The following PLCB1 variants were observed in gnomAD, a reference collection of about 807,000 sequenced individuals.
The protein encoded by PLCB1 is phospholipase C beta 1, also known as 1-phosphatidylinositol 4,5-bisphosphate phosphodiesterase beta-1.
Under a neutral mutation model 161.8 loss-of-function variants are expected in PLCB1, and 46 were observed. That is an observed-to-expected ratio of 0.28 (90% CI 0.22 to 0.36). The LOEUF (loss-of-function observed/expected upper bound fraction) is 0.36, where lower values mean the gene tolerates loss of function less well. Ranked by LOEUF, PLCB1 falls within the 10% of genes least tolerant of loss-of-function variation. The pLI is 1.00. For missense variants in PLCB1, 1,016 were observed against 1,472.5 expected, an observed-to-expected ratio of 0.69 and a Z score of 5.07; for synonymous variants, 517 against 503.7, an observed-to-expected ratio of 1.03 and a Z score of -0.35.
At chr20:8,737,832 G>A (rs556903259) in intron 20 of PLCB1, among the ~76,000 whole-genome samples, 20 of 152,122 alleles carry the variant, frequency 1.3e-4, no homozygotes, top group African/African-American at 3.6e-4. Flanking sequence ...ATAGCTATGC[G>A]GAAACTCTCT....
chr20:8,425,780 A>C (rs889666344), intron 3 of PLCB1, among the ~76,000 whole-genome samples: 1 of 152,164 alleles, frequency 6.6e-6, no homozygotes, highest in Non-Finnish European at 1.5e-5. Context: ...CCACACCATC[A>C]GCAGCAATGT....
At chr20:8,738,898 C>G (rs1980721375) in intron 20 of PLCB1, among the ~76,000 whole-genome samples, 1 of 152,146 alleles carries the variant, frequency 6.6e-6, no homozygotes, top group Non-Finnish European at 1.5e-5. Context: ...TGCCTCTAAT[C>G]CGAGCACTTT....
In PLCB1 at chr20:8,771,877, G is replaced by GTTCCTTCCTTCCTTCATTCCTTCC. The variant is rs139759464; in HGVS notation, c.2931-2647_2931-2646insATTCCTTCCTTCCTTCCTTCCTTC. Among the ~76,000 whole-genome samples the GTTCCTTCCTTCCTTCATTCCTTCC allele has an allele frequency of 8.7e-5, 13 of 150,266 alleles. 1 individual carries two copies. Among genetic ancestry groups the GTTCCTTCCTTCCTTCATTCCTTCC allele is most frequent in the East Asian group, 7.9e-4 (4 of 5,034 alleles). On this transcript the variant is annotated intron_variant, in intron 26 of 31. Transcript: ENST00000338037. ...TTGAATTTGTTTCCTTCCTTCCTTCGTTCCTTCCTTCCTTCCTTCCTTTCG... is the reference window on the plus strand; with the variant it reads ...TTGAATTTGTTTCCTTCCTTCCTTCGTTCCTTCCTTCCTTCATTCCTTCCTTCCTTCCTTCCTTCCTTCCTTTCG...
intron 2 of PLCB1, among the ~76,000 whole-genome samples, chr20:8,278,522 G>GA (rs1203351893): frequency 2.0e-5 from 3 of 151,356 alleles, no homozygotes; most frequent in East Asian, 1.9e-4. Flanking sequence ...AATGCACTGG[G>GA]AAAAAAGTAG....
chr20:8,435,909 C>G (rs907982574), intron 3 of PLCB1, among the ~76,000 whole-genome samples: 1 of 152,188 alleles, frequency 6.6e-6, no homozygotes, highest in East Asian at 1.9e-4. Flanking sequence ...GATGAACTCT[C>G]CTAAGATTTC....
At chr20:8,816,934 C>G (rs573888872) in intron 31 of PLCB1, among the ~76,000 whole-genome samples, 1 of 152,288 alleles carries the variant, frequency 6.6e-6, no homozygotes, top group Admixed American at 6.5e-5. Context: ...AGTGCCCTTT[C>G]TATTTCTAGC....
intron 27 of PLCB1, among the ~76,000 whole-genome samples, chr20:8,781,555 T>A (rs943660836): frequency 3.3e-5 from 5 of 152,162 alleles, no homozygotes; most frequent in Non-Finnish European, 7.3e-5. Flanking sequence ...TTCGTATTAC[T>A]TTATTGCATG....
intron 25 of PLCB1, among the ~76,000 whole-genome samples, chr20:8,761,604 C>T (rs1485206589): frequency 1.3e-5 from 2 of 152,116 alleles, no homozygotes; most frequent in African/African-American, 4.8e-5. Flanking sequence ...CCGCAACCTC[C>T]ACCTCCCGGG....
chr20:8,831,681 G>A (rs1985987672), intron 31 of PLCB1, among the ~76,000 whole-genome samples: 1 of 152,100 alleles, frequency 6.6e-6, no homozygotes, highest in Admixed American at 6.5e-5. Flanking sequence ...CCAGCCTGGA[G>A]TGCAGTAGTA....
At chr20:8,167,944 G>A (rs1419525111) in intron 2 of PLCB1, among the ~76,000 whole-genome samples, 1 of 152,120 alleles carries the variant, frequency 6.6e-6, no homozygotes, top group African/African-American at 2.4e-5. Context: ...GGTTGGATGT[G>A]TGGCTCTGCT....
intron 2 of PLCB1, among the ~76,000 whole-genome samples, chr20:8,339,550 T>C (rs1985720643): frequency 6.6e-6 from 1 of 152,226 alleles, no homozygotes; most frequent in African/African-American, 2.4e-5. Flanking sequence ...TGTTACAGAA[T>C]TAATTCCGGG....
intron 2 of PLCB1, among the ~76,000 whole-genome samples, chr20:8,220,466 G>T (rs1477250745): frequency 6.6e-6 from 1 of 152,132 alleles, no homozygotes; most frequent in Admixed American, 6.6e-5. Context: ...TTAAGATGAG[G>T]TTATATTGGA....
In PLCB1 at chr20:8,740,389, C is replaced by T. The variant is rs202199288; in HGVS notation, c.2354C>T (p.Thr785Met). The change falls in exon 22 of 32, where the codon ACG becomes ATG. Residue 785 changes from threonine to methionine, a missense_variant. Transcript: ENST00000338037. ...CLRNERNQPL[T>M]LPAVFVYIEV... Reference sequence around the variant, plus strand: ...AGGAATGAAAGGAACCAGCCTCTGACGCTGCCTGCTGTCTTTGTCTACATA... The same window carrying T: ...AGGAATGAAAGGAACCAGCCTCTGATGCTGCCTGCTGTCTTTGTCTACATA... The T allele has an allele frequency of 6.0e-5, 96 of 1,608,724 alleles. No homozygotes were observed. Among genetic ancestry groups the T allele is most frequent in the African/African-American group, 1.5e-4 (11 of 74,710 alleles).
intron 1 of PLCB1, among the ~76,000 whole-genome samples, chr20:8,134,688 TGA>T (rs1292592721): frequency 6.6e-6 from 1 of 151,788 alleles, no homozygotes; most frequent in Non-Finnish European, 1.5e-5. Context: ...AAAACACCAA[TGA>T]GAGAGAGATT....
chr20:8,649,480 T>C, intron 7 of PLCB1, 31 bp downstream of exon 7: 1 of 1,487,052 alleles, frequency 6.7e-7, no homozygotes, highest in Non-Finnish European at 9.4e-7. Context: ...ATAGTTTGAA[T>C]GTTCAGCCCC....
intron 3 of PLCB1, among the ~76,000 whole-genome samples, chr20:8,508,416 A>G (rs1983734388): frequency 6.6e-6 from 1 of 152,174 alleles, no homozygotes; most frequent in African/African-American, 2.4e-5. Context: ...CACAGTGTGT[A>G]CCTAAACACG....
chr20:8,221,620 A>G (rs1979412873), intron 2 of PLCB1, among the ~76,000 whole-genome samples: 2 of 152,162 alleles, frequency 1.3e-5, no homozygotes, highest in African/African-American at 4.8e-5. Context: ...CACTATCACT[A>G]TCACTGTCCT....
At chr20:8,782,543 C>T (rs557136795) in intron 27 of PLCB1, among the ~76,000 whole-genome samples, 3 of 152,106 alleles carry the variant, frequency 2.0e-5, no homozygotes, top group Non-Finnish European at 4.4e-5. Context: ...CAGGCACGCA[C>T]CACCATGCCC....
At chr20:8,683,243 G>A (rs1017106516) in intron 9 of PLCB1, among the ~76,000 whole-genome samples, 3 of 151,960 alleles carry the variant, frequency 2.0e-5, no homozygotes, top group African/African-American at 7.2e-5. Flanking sequence ...TTTCTGGGAG[G>A]ATACACACCA....
Sources: allele counts gnomAD v4.1 joint callset (sites outside exome capture counted in the v4.1 genomes callset), GRCh38; gene constraint gnomAD v4.1.1; transcripts MANE v1.5; gene names NCBI Gene and HGNC (gene_info 2026-07-23, HGNC 2026-07-21).